ATG3: variants seen among roughly 807,000 people sequenced by gnomAD.
The protein encoded by ATG3 is autophagy related 3, also known as ubiquitin-like-conjugating enzyme ATG3.
A neutral mutation model predicts 50.7 loss-of-function variants in ATG3; 25 were observed. The observed-to-expected ratio is 0.49, with a 90% CI of 0.36 to 0.69. The LOEUF is 0.69. Ranked by LOEUF, ATG3 falls within the 30% of genes least tolerant of loss-of-function variation. The probability of loss-of-function intolerance (pLI) is 0.00; values close to 1 mark genes in which losing one functional copy is unlikely to be tolerated. For synonymous variants in ATG3, 119 were observed against 125.5 expected, an observed-to-expected ratio of 0.95 and a Z score of 0.34; for missense variants, 281 against 376.0, an observed-to-expected ratio of 0.75 and a Z score of 2.09.
intron 5 of ATG3, among the ~76,000 whole-genome samples, chr3:112,545,253 C>A (rs1164941801): frequency 1.3e-5 from 2 of 152,130 alleles, no homozygotes; most frequent in South Asian, 4.1e-4. Flanking sequence ...CTCTACGGGG[C>A]AAATACCTCA....
chr3:112,557,011 T>G (rs1192320880), intron 2 of ATG3, among the ~76,000 whole-genome samples: 9 of 149,284 alleles, frequency 6.0e-5, no homozygotes, highest in African/African-American at 2.2e-4. Flanking sequence ...CACCCAAGAA[T>G]GATCAATTAA....
rs543916696 is a variant in ATG3, at chr3:112,538,215, T to C, written c.476-35A>G. 45 of 1,504,114 alleles carry C rather than the reference T, an allele frequency of 3.0e-5. No homozygotes were observed. The East Asian group carries it at 9.5e-4, about 32-fold the overall frequency. 93.2% of individuals were successfully genotyped at this position (1,504,114 alleles called of 1,614,324 possible). ...AAAAACAACAAAAGATTAATCAAGT[T>C]CAAGTTCAAGAAAATTCCCTAAACC... On this transcript the variant is annotated intron_variant, in intron 7 of 11. Coordinates refer to ENST00000283290, the MANE Select transcript of ATG3 (RefSeq NM_022488.5).
chr3:112,536,352 A>G, intron 10 of ATG3, 123 bp downstream of exon 10: 1 of 1,185,354 alleles, frequency 8.4e-7, no homozygotes, highest in Non-Finnish European at 1.2e-6. Flanking sequence ...GACAAGAGAG[A>G]ATTTTACTTT....
Position 112,561,587 on chromosome 3 carries a change from G to A in ATG3, c.-59C>T. On this transcript the variant is annotated 5_prime_UTR_variant, in exon 1 of 12. Transcript: ENST00000283290. ...GGATGGAAAGTGCAGCCGTGTCAGG[G>A]GCCAGGGAGTCAGAAAATGTCCTCG... The A allele has an allele frequency of 7.1e-6, 11 of 1,538,538 alleles. No homozygotes were observed. The highest frequency in any genetic ancestry group is 9.7e-6 in the Non-Finnish European group (11 of 1,130,762).
chr3:112,557,454 C>T (rs1039649361), intron 2 of ATG3, among the ~76,000 whole-genome samples: 2 of 152,136 alleles, frequency 1.3e-5, no homozygotes, highest in Admixed American at 6.5e-5. Flanking sequence ...CCCATCTCTA[C>T]TAAAAGTACA....
At chr3:112,541,746 A>C in intron 7 of ATG3, 57 bp downstream of exon 7, 1 of 1,412,472 alleles carries the variant, frequency 7.1e-7, no homozygotes, top group East Asian at 2.3e-5. Flanking sequence ...CACATAAATT[A>C]CAAATATTCT....
In ATG3 at chr3:112,536,529, A is replaced by G. The variant is rs1468799340; in HGVS notation, c.740T>C (p.Ile247Thr). 6 of 1,613,904 alleles carry G rather than the reference A, an allele frequency of 3.7e-6. No homozygotes were observed. The highest frequency in any genetic ancestry group is 2.2e-5 in the East Asian group (1 of 44,894). ...SQDHVKKTVT[I>T]ENHPHLPPPP... ...TGGTGGCAGATGAGGGTGATTTTCAATGGTCACTGTTTTCTTCACATGATC... is the reference window on the plus strand; with the variant it reads ...TGGTGGCAGATGAGGGTGATTTTCAGTGGTCACTGTTTTCTTCACATGATC... Residue 247 changes from isoleucine to threonine, a missense_variant, in exon 10 of 12, where the codon ATT becomes ACT. Physicochemically the swap from Ile to Thr is moderately conservative, Grantham distance 89 (BLOSUM62 -1). Around this residue, in one of 3 missense-constraint regions of ATG3, gnomAD observed 242 missense variants for 305.0 expected, o/e 0.79. Transcript: ENST00000283290.
chr3:112,556,839 A>G (rs1365021453), intron 2 of ATG3, among the ~76,000 whole-genome samples: 3 of 151,946 alleles, frequency 2.0e-5, no homozygotes, highest in Non-Finnish European at 4.4e-5. Context: ...ATGCTCGTTA[A>G]GAGTCATCAC....
chr3:112,536,345 A>G, intron 10 of ATG3, 130 bp downstream of exon 10: 2 of 1,092,290 alleles, frequency 1.8e-6, no homozygotes, highest in Non-Finnish European at 2.6e-6. Context: ...TAAGGAGGAC[A>G]AGAGAGAATT....
At chr3:112,560,709 T>C (rs1576733176) in intron 1 of ATG3, among the ~76,000 whole-genome samples, 2 of 152,198 alleles carry the variant, frequency 1.3e-5, no homozygotes, top group Admixed American at 6.5e-5. Flanking sequence ...TTGAAGGCAG[T>C]TGTAGAAATT....
chr3:112,556,855 C>A (rs1406415503), intron 2 of ATG3, among the ~76,000 whole-genome samples: 2 of 151,828 alleles, frequency 1.3e-5, no homozygotes, highest in African/African-American at 4.8e-5. Flanking sequence ...ATCACCACTC[C>A]CTAACCTCAA....
chr3:112,533,758 T>G, intron 11 of ATG3: 2 of 985,314 alleles, frequency 2.0e-6, no homozygotes, highest in Non-Finnish European at 2.4e-6. Flanking sequence ...CCAAGAAAAC[T>G]GAGTAGGAAA....
intron 2 of ATG3, among the ~76,000 whole-genome samples, chr3:112,557,399 C>T (rs1233147482): frequency 6.6e-6 from 1 of 152,160 alleles, no homozygotes; most frequent in Non-Finnish European, 1.5e-5. Context: ...GCAGGCGGAT[C>T]ACGAGGTCAA....
At chr3:112,545,948 G>T (rs1367840516) in intron 5 of ATG3, among the ~76,000 whole-genome samples, 1 of 152,056 alleles carries the variant, frequency 6.6e-6, no homozygotes, top group African/African-American at 2.4e-5. Context: ...CAAGATAGGG[G>T]GATATCATCC....
chr3:112,536,575 T>C lies in ATG3; in HGVS notation c.694A>G (p.Met232Val), dbSNP rs777975509. The C allele has an allele frequency of 2.5e-6, 4 of 1,613,978 alleles. No homozygotes were observed. The highest frequency in any genetic ancestry group is 3.4e-6 in the Non-Finnish European group (4 of 1,179,976). The change falls in exon 10 of 12, where the codon ATG (methionine) becomes GTG (valine). Residue 232 changes from methionine (M) to valine (V), a missense_variant. Met to Val is a conservative substitution (Grantham distance 21). Coordinates refer to ENST00000283290, the MANE Select transcript of ATG3 (RefSeq NM_022488.5). ...EQRQPLTVEH[M>V]YEDISQDHVK... ...TGATCCTGACTGATGTCTTCATACA[T>C]GTGCTCAACTGTTAAAGGCTGCCGT... is the stretch of plus-strand genomic sequence containing the variant.
chr3:112,536,177 A>T, intron 10 of ATG3: 1 of 293,256 alleles, frequency 3.4e-6, no homozygotes, highest in Non-Finnish European at 6.4e-6. Context: ...AGAATCTTCC[A>T]AACTGTTCTG....
chr3:112,561,017 T>C lies in ATG3; in HGVS notation c.72+440A>G, dbSNP rs889536401. On this transcript the variant is annotated intron_variant, in intron 1 of 11. Transcript: ENST00000283290. ...ACAACTTCCCCACTACAGCGGACTT[T>C]CATGAAACTTAAAGGAAAAGTGACC... Among the ~76,000 whole-genome samples the C allele has an allele frequency of 1.4e-4, 21 of 152,330 alleles. No homozygotes were observed. In the South Asian group the frequency reaches 2.1e-3, roughly 15 times the overall value.
At chr3:112,533,296 A>T in intron 11 of ATG3, 1 of 984,646 alleles carries the variant, frequency 1.0e-6, no homozygotes, top group South Asian at 4.7e-5. Context: ...TGTTCATTGC[A>T]CTTAAAAACA....
chr3:112,542,297 A>C (rs1426871323), intron 6 of ATG3, among the ~76,000 whole-genome samples: 1 of 152,182 alleles, frequency 6.6e-6, no homozygotes, highest in Non-Finnish European at 1.5e-5. Context: ...ATCAAACACT[A>C]TTACATTCTA....
Sources: gnomAD v4.1 joint callset for allele counts (sites outside exome capture counted in the v4.1 genomes callset) on GRCh38, gnomAD v4.1.1 for gene constraint, gnomAD v4.1.1 regional missense constraint, MANE v1.5 for transcripts, NCBI Gene and HGNC (gene_info 2026-07-23, HGNC 2026-07-21) for gene names.